The following CACNB2 variants were observed in gnomAD, a reference collection of about 807,000 sequenced individuals.
The protein encoded by CACNB2 is voltage-dependent L-type calcium channel subunit beta-2.
Under a neutral mutation model 73.3 loss-of-function variants are expected in CACNB2, and 42 were observed. The observed-to-expected ratio is 0.57, with a 90% CI of 0.45 to 0.74. The LOEUF is 0.74. Among genes scored for constraint, CACNB2 ranks in the 30% least tolerant of loss-of-function variants. The pLI, the probability that CACNB2 is intolerant of heterozygous loss-of-function variation, is 0.00. For synonymous variants in CACNB2, 348 were observed against 310.3 expected (o/e 1.12, Z -1.28); for missense variants, 940 against 853.0 (o/e 1.10, Z -1.27).
intron 2 of CACNB2, among the ~76,000 whole-genome samples, chr10:18,304,564 G>C (rs2039654526): frequency 6.6e-6 from 1 of 151,546 alleles, no homozygotes; most frequent in Non-Finnish European, 1.5e-5. Context: ...TCTATATTCA[G>C]CAAAGCTGCC....
At chr10:18,199,343 T>A (rs901653920) in intron 2 of CACNB2, among the ~76,000 whole-genome samples, 1 of 152,200 alleles carries the variant, frequency 6.6e-6, no homozygotes, top group Non-Finnish European at 1.5e-5. Flanking sequence ...TGTCATGTAA[T>A]GCCAACTTCT....
At chr10:18,240,726 A>C (rs1012559272) in intron 2 of CACNB2, among the ~76,000 whole-genome samples, 1 of 152,068 alleles carries the variant, frequency 6.6e-6, no homozygotes, top group African/African-American at 2.4e-5. Flanking sequence ...CGGATGCAGA[A>C]CCAGTCTGTC....
chr10:18,513,929 C>A (rs146042137), intron 6 of CACNB2, among the ~76,000 whole-genome samples: 188 of 152,296 alleles, frequency 1.2e-3, no homozygotes, highest in African/African-American at 1.9e-3. Flanking sequence ...ACAGTTGATA[C>A]AGAGAAAATC....
chr10:18,288,597 A>G (rs2038903535), intron 2 of CACNB2, among the ~76,000 whole-genome samples: 2 of 151,952 alleles, frequency 1.3e-5, no homozygotes, highest in Admixed American at 1.3e-4. Flanking sequence ...ATTATTGAAC[A>G]ACCATGAGTA....
At chr10:18,215,593 C>G (rs949090483) in intron 2 of CACNB2, among the ~76,000 whole-genome samples, 5 of 152,282 alleles carry the variant, frequency 3.3e-5, no homozygotes, top group South Asian at 2.1e-4. Flanking sequence ...AAAATGAAAA[C>G]TCGCCAAACT....
intron 2 of CACNB2, among the ~76,000 whole-genome samples, chr10:18,392,876 A>G (rs2043543941): frequency 6.6e-6 from 1 of 152,078 alleles, no homozygotes; most frequent in South Asian, 2.1e-4. Flanking sequence ...ATAACTGATA[A>G]GATAGTTTGT....
intron 3 of CACNB2, among the ~76,000 whole-genome samples, chr10:18,451,729 T>C (rs773688267): frequency 1.3e-5 from 2 of 152,164 alleles, no homozygotes; most frequent in Non-Finnish European, 2.9e-5. Context: ...CTGGGGTATG[T>C]CTTATGCTCA....
At chr10:18,340,734 C>T (rs541145429) in intron 2 of CACNB2, 4 of 1,471,640 alleles carry the variant, frequency 2.7e-6, no homozygotes, top group Admixed American at 5.0e-5. Context: ...GAACAGAGAG[C>T]TGTTGTGATC....
intron 2 of CACNB2, among the ~76,000 whole-genome samples, chr10:18,230,994 A>G (rs1041214916): frequency 7.9e-5 from 12 of 152,076 alleles, no homozygotes; most frequent in African/African-American, 2.9e-4. Context: ...GGGAGGAGAG[A>G]AGGAAGGTTA....
chr10:18,148,894 G>A (rs1366229143), intron 1 of CACNB2, among the ~76,000 whole-genome samples: 1 of 151,914 alleles, frequency 6.6e-6, no homozygotes, highest in Non-Finnish European at 1.5e-5. Context: ...TTGGGAGGCT[G>A]AGGTGGGAGG....
At chr10:18,511,590 C>G (rs1301620296) in intron 6 of CACNB2, among the ~76,000 whole-genome samples, 1 of 152,170 alleles carries the variant, frequency 6.6e-6, no homozygotes, top group Non-Finnish European at 1.5e-5. Flanking sequence ...TCTAAATGTA[C>G]TGTGGTTTTT....
intron 1 of CACNB2, among the ~76,000 whole-genome samples, chr10:18,147,549 C>G (rs560018293): frequency 5.3e-5 from 8 of 152,194 alleles, no homozygotes; most frequent in Admixed American, 3.3e-4. Context: ...CAGCCAAATC[C>G]CCTTTCCTGT....
At chr10:18,342,084 A>G (rs904146952) in intron 2 of CACNB2, among the ~76,000 whole-genome samples, 14 of 152,210 alleles carry the variant, frequency 9.2e-5, no homozygotes, top group African/African-American at 3.1e-4. Context: ...TTTAGAAATT[A>G]TTCTGTACCT....
chr10:18,206,559 C>G (rs527728460), intron 2 of CACNB2: 1 of 152,418 alleles, frequency 6.6e-6, no homozygotes, highest in East Asian at 1.9e-4. Context: ...ACCAACTGCT[C>G]CAGCCAGCCA....
intron 2 of CACNB2, among the ~76,000 whole-genome samples, chr10:18,245,284 C>T (rs927098979): frequency 6.6e-6 from 1 of 152,120 alleles, no homozygotes; most frequent in Non-Finnish European, 1.5e-5. Context: ...GGTAGAACTG[C>T]TGTAAGGAAA....
chr10:18,363,955 T>C (rs2042243489), intron 2 of CACNB2, among the ~76,000 whole-genome samples: 1 of 151,582 alleles, frequency 6.6e-6, no homozygotes, highest in Admixed American at 6.6e-5. Context: ...TTTAATTTTT[T>C]TTTTTTTTTT....
At chr10:18,242,144 CAAT>C (rs2036680229) in intron 2 of CACNB2, among the ~76,000 whole-genome samples, 1 of 151,196 alleles carries the variant, frequency 6.6e-6, no homozygotes, top group Admixed American at 6.6e-5. Context: ...TATATACACA[CAAT>C]AAGACACTTA....
At chr10:18,532,449 G>A (rs2133266161) in intron 10 of CACNB2, among the ~76,000 whole-genome samples, 1 of 152,090 alleles carries the variant, frequency 6.6e-6, no homozygotes, top group African/African-American at 2.4e-5. Flanking sequence ...TAAGGCGGGA[G>A]ATCACTTGAG....
intron 3 of CACNB2, among the ~76,000 whole-genome samples, chr10:18,460,306 C>T (rs1296820700): frequency 6.6e-6 from 1 of 151,976 alleles, no homozygotes; most frequent in African/African-American, 2.4e-5. Context: ...TCTGTTTGCA[C>T]ATTTACATTC....
Sources: allele counts gnomAD v4.1 joint callset (sites outside exome capture counted in the v4.1 genomes callset), GRCh38; gene constraint gnomAD v4.1.1; transcripts MANE v1.5; gene names NCBI Gene and HGNC (gene_info 2026-07-23, HGNC 2026-07-21).